CLC: variants seen among roughly 807,000 people sequenced by gnomAD.
CLC encodes the protein Charcot-Leyden crystal galectin.
A neutral mutation model predicts 13.9 loss-of-function variants in CLC; 15 were observed. That is an observed-to-expected ratio of 1.08 (90% confidence interval 0.72 to 1.66). The LOEUF is 1.66. CLC is among the 40% of genes most tolerant of loss of function. CLC has a pLI of 0.00. For missense variants in CLC, 161 were observed against 169.1 expected (o/e 0.95, Z 0.27); for synonymous variants, 68 against 59.9 (o/e 1.14, Z -0.63).
chr19:39,736,508 C>T (rs1372613066), intron 1 of CLC, among the ~76,000 whole-genome samples: 2 of 152,118 alleles, frequency 1.3e-5, no homozygotes, highest in African/African-American at 2.4e-5. Flanking sequence ...GGCGTGGTGG[C>T]TCACGCCTGT....
chr19:39,735,052 A>C lies in CLC; in HGVS notation c.37T>G (p.Ser13Ala), dbSNP rs751325079. The C allele has an allele frequency of 3.7e-6, 6 of 1,613,784 alleles. No individual in the cohort carries two copies. The highest frequency in any genetic ancestry group is 5.1e-6 in the Non-Finnish European group (6 of 1,179,816). Residue 13 changes from serine to alanine, a missense_variant, in exon 2 of 4, where the codon TCT (serine) becomes GCT (alanine). By Grantham distance (99) the Ser-to-Ala change is moderately conservative (BLOSUM62 1). Coordinates refer to ENST00000221804, the MANE Select transcript of CLC (RefSeq NM_001828.6). ...LLPVPYTEAA[S>A]LSTGSTVTIK... Reference sequence around the variant, plus strand: ...GTCACAGTAGAACCAGTAGACAAAGAGGCAGCCTCTGTGTATGGCACCTGC... The same window carrying C: ...GTCACAGTAGAACCAGTAGACAAAGCGGCAGCCTCTGTGTATGGCACCTGC...
chr19:39,737,943 G>A lies in CLC; in HGVS notation c.10C>T (p.Leu4=). 2 of 1,612,924 alleles carry A rather than the reference G, an allele frequency of 1.2e-6. No individual in the cohort carries two copies. Among genetic ancestry groups the A allele is most frequent in the Admixed American group, 1.7e-5 (1 of 59,964 alleles). The change falls in exon 1 of 4, where the codon CTA becomes TTA. Residue 4 remains leucine, a synonymous_variant. Coordinates refer to ENST00000221804, the MANE Select transcript of CLC (RefSeq NM_001828.6). MSL[L]PVPYTEAASL... is the part of the protein sequence containing the mutation. ...GCTGTGCCTTTTTAACTCACGGGTAGCAGGGACATTGTTGTCTCCTTCTGG... is the reference window on the plus strand; with the variant it reads ...GCTGTGCCTTTTTAACTCACGGGTAACAGGGACATTGTTGTCTCCTTCTGG...
At chr19:39,734,619 T>C (rs1460802633) in intron 2 of CLC, 126 bp from the exon 3 acceptor site, 7 of 752,128 alleles carry the variant, frequency 9.3e-6, no homozygotes, top group Non-Finnish European at 9.0e-6. Context: ...GGCCTTGTCA[T>C]TGTGGGGCTG....
Position 39,737,984 on chromosome 19 carries a change from T to C in CLC, c.-32A>G, listed in dbSNP as rs1967340214. 3 of 1,610,438 alleles carry C rather than the reference T, an allele frequency of 1.9e-6. No homozygotes were observed. Among genetic ancestry groups the C allele is most frequent in the Non-Finnish European group, 2.5e-6 (3 of 1,177,546 alleles). On this transcript the variant is annotated 5_prime_UTR_variant, in exon 1 of 4. Coordinates refer to ENST00000221804, the MANE Select transcript of CLC (RefSeq NM_001828.6). ...CTCCTTCTGGGTGGCTCTTCTGAATTGTGTCCAGACTTCTGTGTGAATCTC... is the reference window on the plus strand; with the variant it reads ...CTCCTTCTGGGTGGCTCTTCTGAATCGTGTCCAGACTTCTGTGTGAATCTC...
chr19:39,737,736 C>A (rs1431681883), intron 1 of CLC, among the ~76,000 whole-genome samples: 1 of 152,142 alleles, frequency 6.6e-6, no homozygotes, highest in Admixed American at 6.5e-5. Flanking sequence ...CAGAGGGTCA[C>A]AATGTTCCAG....
intron 1 of CLC, among the ~76,000 whole-genome samples, chr19:39,737,284 T>A (rs1348856767): frequency 6.6e-6 from 1 of 151,530 alleles, no homozygotes; most frequent in Admixed American, 6.6e-5. Flanking sequence ...CATTCTGCTC[T>A]CATAAATGCT....
At position 39,731,309 on chromosome 19, in the gene CLC, C is replaced by G. The variant is rs868675119; in HGVS notation, c.*71G>C. 5 of 1,489,340 alleles carry G rather than the reference C, an allele frequency of 3.4e-6. No homozygotes were observed. The Admixed American group carries it at 5.0e-5, about 15-fold the overall frequency. The allele number at this position is 1,489,340 out of a possible 1,614,324, so 92.3% of individuals were successfully genotyped here. A position where few individuals can be genotyped will look rare whatever the true frequency, so the allele number is the denominator to read the frequency against. ...AGTAAGGATTGAAGTGAGAAAAGAT[C>G]ATGCTGTTAGCTGGCTTTGGAATCC... On this transcript the variant is annotated 3_prime_UTR_variant, in exon 4 of 4. Transcript: ENST00000221804.
rs384138 is a variant in CLC, at chr19:39,734,346, A to G, written c.240T>C (p.Asn80=). The G allele has an allele frequency of 0.66, 1,062,622 of 1,613,720 alleles. 355,216 individuals are homozygous for G. The highest frequency in any genetic ancestry group is 0.77 in the African/African-American group (57,405 of 74,958). Residue 80 remains asparagine (N), a synonymous_variant, in exon 3 of 4, where the codon AAT becomes AAC. Coordinates refer to ENST00000221804, the MANE Select transcript of CLC (RefSeq NM_001828.6). ...ATTCTTGGCCATCCTGAAAGGGCAT[A>G]TTCTTGGATTCCACCTGCTGCTTCC... ...GAWKQQVESK[N]MPFQDGQEFE... is the part of the protein sequence containing the mutation.
At chr19:39,735,514 C>T (rs769836013) in intron 1 of CLC, among the ~76,000 whole-genome samples, 10 of 152,106 alleles carry the variant, frequency 6.6e-5, no homozygotes, top group East Asian at 1.9e-4. Context: ...TGGGGTTTCA[C>T]GATGTTGCCC....
intron 1 of CLC, among the ~76,000 whole-genome samples, chr19:39,736,021 GT>G (rs1967303281): frequency 6.6e-6 from 1 of 152,136 alleles, no homozygotes; most frequent in African/African-American, 2.4e-5. Flanking sequence ...TGAGTAAAGT[GT>G]TTCTGTTTGT....
chr19:39,733,876 A>C (rs750118418), intron 3 of CLC: 6 of 939,290 alleles, frequency 6.4e-6, no homozygotes, highest in Non-Finnish European at 7.6e-6. Context: ...AATTTTATTC[A>C]TGTGTATATC....
At chr19:39,735,788 A>G (rs1967299801) in intron 1 of CLC, among the ~76,000 whole-genome samples, 1 of 152,180 alleles carries the variant, frequency 6.6e-6, no homozygotes, top group Non-Finnish European at 1.5e-5. Context: ...GGGGTCCTCT[A>G]TCTGAACAAG....
At chr19:39,733,736 A>T (rs2144916699) in intron 3 of CLC, among the ~76,000 whole-genome samples, 1 of 151,052 alleles carries the variant, frequency 6.6e-6, no homozygotes, top group East Asian at 1.9e-4. Context: ...AACAAATAAA[A>T]GTGTATATAT....
Position 39,731,481 on chromosome 19 carries a change from A to G in CLC, c.328T>C (p.Tyr110His). The change falls in exon 4 of 4, where the codon TAC (tyrosine) becomes CAC (histidine). Residue 110 changes from tyrosine (Y) to histidine (H), a missense_variant. Transcript: ENST00000221804. ...YQVMVNGQSSYTFDHRIKPEA... is the reference protein window; with the variant it reads ...YQVMVNGQSSHTFDHRIKPEA... ...GGCTTGATTCTATGGTCAAAGGTGT[A>G]AGAGGATTGGCCATTGACCATTACC... 2 of 1,612,558 alleles carry G rather than the reference A, an allele frequency of 1.2e-6. No individual in the cohort carries two copies. Among genetic ancestry groups the G allele is most frequent in the Non-Finnish European group, 1.7e-6 (2 of 1,178,782 alleles).
chr19:39,733,842 T>C, intron 3 of CLC: 1 of 481,418 alleles, frequency 2.1e-6, no homozygotes, highest in Non-Finnish European at 2.6e-6. Context: ...GAGTGAGAAG[T>C]CTTCATATTG....
intron 3 of CLC, among the ~76,000 whole-genome samples, chr19:39,731,871 CCACTGAATG>C (rs1285267599): frequency 7.2e-5 from 11 of 152,116 alleles, no homozygotes; most frequent in Admixed American, 6.6e-5. Context: ...TCAACAATGT[CCACTGAATG>C]CACACATTTC....
chr19:39,733,703 A>C (rs1967262118), intron 3 of CLC, among the ~76,000 whole-genome samples: 1 of 152,206 alleles, frequency 6.6e-6, no homozygotes, highest in Non-Finnish European at 1.5e-5. Flanking sequence ...GTGTAGGGAC[A>C]TTGATACCAG....
intron 3 of CLC, among the ~76,000 whole-genome samples, chr19:39,732,023 A>T (rs1270235672): frequency 1.3e-5 from 2 of 152,008 alleles, no homozygotes; most frequent in African/African-American, 4.8e-5. Flanking sequence ...TTAATGTTAC[A>T]AAACATAGGA....
intron 2 of CLC, 112 bp downstream of exon 2, chr19:39,734,885 G>A (rs977814722): frequency 1.2e-6 from 1 of 817,708 alleles, no homozygotes; most frequent in Non-Finnish European, 2.0e-6. Flanking sequence ...CACATTCATG[G>A]CACTTCCATC....
Sources: gnomAD v4.1 joint callset for allele counts (sites outside exome capture counted in the v4.1 genomes callset) on GRCh38, gnomAD v4.1.1 for gene constraint, MANE v1.5 for transcripts, NCBI Gene and HGNC (gene_info 2026-07-23, HGNC 2026-07-21) for gene names.